TMEM232: variants seen among roughly 807,000 people sequenced by gnomAD.
TMEM232 encodes transmembrane protein 232.
TMEM232 carries 80 observed loss-of-function variants against 78.8 expected under a neutral mutation model. That is an observed-to-expected ratio of 1.01 (90% CI 0.85 to 1.22). TMEM232 has a LOEUF of 1.22. Among genes scored for constraint, TMEM232 ranks in the 50% most tolerant of loss-of-function variants. The pLI, the probability that TMEM232 is intolerant of heterozygous loss-of-function variation, is 0.00. For synonymous variants in TMEM232, 297 were observed against 254.3 expected (o/e 1.17, Z -1.60); for missense variants, 881 against 742.2 (o/e 1.19, Z -2.17).
At chr5:110,734,540 A>T (rs1006614234) in intron 2 of TMEM232, among the ~76,000 whole-genome samples, 1 of 152,246 alleles carries the variant, frequency 6.6e-6, no homozygotes, top group African/African-American at 2.4e-5. Flanking sequence ...TAAGTCCAAT[A>T]ATTCGGGAAT....
intron 8 of TMEM232, among the ~76,000 whole-genome samples, chr5:110,608,878 A>G (rs1262165088): frequency 6.6e-6 from 1 of 152,086 alleles, no homozygotes; most frequent in African/African-American, 2.4e-5. Context: ...AGTCTCAAGT[A>G]TCAGCATATT....
intron 1 of TMEM232, among the ~76,000 whole-genome samples, chr5:110,679,501 T>C (rs1340314754): frequency 1.3e-5 from 2 of 152,212 alleles, no homozygotes; most frequent in African/African-American, 2.4e-5. Flanking sequence ...GGGATTGTCT[T>C]TAACAGGACA....
At chr5:110,660,081 A>C (rs1328946657) in intron 2 of TMEM232, among the ~76,000 whole-genome samples, 1 of 152,126 alleles carries the variant, frequency 6.6e-6, no homozygotes, top group Non-Finnish European at 1.5e-5. Context: ...AGTTCCATCA[A>C]ATCTAAGTAA....
upstream of TMEM232, among the ~76,000 whole-genome samples, chr5:110,727,487 T>TA (rs1798274528): frequency 6.6e-6 from 1 of 152,166 alleles, no homozygotes; most frequent in Admixed American, 6.5e-5. Flanking sequence ...CACCCACCTA[T>TA]AATCCCAGCT....
chr5:110,547,693 T>A (rs542277948), intron 11 of TMEM232, among the ~76,000 whole-genome samples: 11 of 151,918 alleles, frequency 7.2e-5, no homozygotes, highest in Admixed American at 3.3e-4. Flanking sequence ...TCCTTCAAAA[T>A]CAAATTAAAT....
intron 13 of TMEM232, among the ~76,000 whole-genome samples, chr5:110,424,534 A>G (rs749238199): frequency 6.6e-6 from 1 of 152,200 alleles, no homozygotes; most frequent in Non-Finnish European, 1.5e-5. Context: ...AGAAGAAATC[A>G]GTGTTCAGTG....
At chr5:110,478,404 A>G (rs2149389940) in intron 12 of TMEM232, among the ~76,000 whole-genome samples, 1 of 152,052 alleles carries the variant, frequency 6.6e-6, no homozygotes, top group East Asian at 1.9e-4. Flanking sequence ...GGATTTGCCT[A>G]TGCATGTAAA....
At chr5:110,640,840 T>G in intron 4 of TMEM232, 51 bp downstream of exon 4, 1 of 1,307,982 alleles carries the variant, frequency 7.6e-7, no homozygotes, top group Non-Finnish European at 1.0e-6. Flanking sequence ...ATGCCTTCAC[T>G]GATGATATAG....
intron 2 of TMEM232, among the ~76,000 whole-genome samples, chr5:110,666,007 G>A (rs1380604785): frequency 6.6e-6 from 1 of 151,826 alleles, no homozygotes; most frequent in African/African-American, 2.4e-5. Context: ...ATTATAGTAA[G>A]CTATAGGTTA....
At chr5:110,589,755 A>C (rs1453335318) in intron 10 of TMEM232, among the ~76,000 whole-genome samples, 3 of 152,308 alleles carry the variant, frequency 2.0e-5, no homozygotes, top group East Asian at 3.9e-4. Context: ...ACATTCAAAG[A>C]GCTCAATAAA....
chr5:110,735,848 G>C (rs1799107597), intron 1 of TMEM232, among the ~76,000 whole-genome samples: 3 of 152,162 alleles, frequency 2.0e-5, no homozygotes, highest in Admixed American at 2.0e-4. Context: ...TTCTATAGCT[G>C]TCTGAGTAAG....
chr5:110,737,063 C>G (rs1002221034), intron 1 of TMEM232, among the ~76,000 whole-genome samples: 3 of 148,890 alleles, frequency 2.0e-5, no homozygotes, highest in Non-Finnish European at 4.4e-5. Flanking sequence ...ACAATCATGT[C>G]ATTATTTGAC....
chr5:110,596,540 A>C (rs1780191409), intron 10 of TMEM232, among the ~76,000 whole-genome samples: 1 of 152,200 alleles, frequency 6.6e-6, no homozygotes, highest in Admixed American at 6.5e-5. Context: ...CTGATACCAA[A>C]GCTGGGCAGA....
chr5:110,433,237 GC>G (rs1189168272), intron 12 of TMEM232, among the ~76,000 whole-genome samples: 3 of 151,658 alleles, frequency 2.0e-5, no homozygotes, highest in Non-Finnish European at 4.4e-5. Context: ...CAATCATAAA[GC>G]AAGTCTCAAT....
chr5:110,625,539 C>T (rs1784320013), intron 6 of TMEM232, 106 bp from the exon 7 acceptor site: 2 of 1,017,246 alleles, frequency 2.0e-6, no homozygotes, highest in Non-Finnish European at 2.7e-6. Flanking sequence ...TACTTAGATG[C>T]AGAAACTGCT....
intron 12 of TMEM232, among the ~76,000 whole-genome samples, chr5:110,488,765 G>A (rs7708748): frequency 4.0e-5 from 6 of 151,882 alleles, no homozygotes; most frequent in South Asian, 4.1e-4. Context: ...TCAATAGAAC[G>A]AAAAGTTGGT....
intron 1 of TMEM232, among the ~76,000 whole-genome samples, chr5:110,693,365 A>C (rs1269804339): frequency 1.3e-5 from 2 of 152,230 alleles, no homozygotes; most frequent in African/African-American, 4.8e-5. Context: ...AAAACAGAGC[A>C]GAAAAACTGG....
rs1245557455 is a variant in TMEM232, at chr5:110,693,149, T to C, written c.-12-25785A>G. 2.0e-5 allele frequency among the ~76,000 whole-genome samples: 3 copies of C among 152,234 alleles called. No homozygotes were observed. In the East Asian group the frequency reaches 5.8e-4, roughly 30 times the overall value. On this transcript the variant is annotated intron_variant, in intron 1 of 13. Coordinates refer to ENST00000455884, the MANE Select transcript of TMEM232 (RefSeq NM_001039763.4). ...GGCAGCAGCATTTGCGGTTCACCAATATCCACTGTTCCGCAGCCACTGCTG... is the reference window on the plus strand; with the variant it reads ...GGCAGCAGCATTTGCGGTTCACCAACATCCACTGTTCCGCAGCCACTGCTG...
intron 8 of TMEM232, among the ~76,000 whole-genome samples, chr5:110,615,878 T>C (rs556322848): frequency 6.8e-4 from 104 of 151,940 alleles, no homozygotes; most frequent in Middle Eastern, 3.4e-3. Context: ...GAAGATATTA[T>C]GAAAACAATC....
Sources: gnomAD v4.1 joint callset for allele counts (sites outside exome capture counted in the v4.1 genomes callset) on GRCh38, gnomAD v4.1.1 for gene constraint, MANE v1.5 for transcripts, NCBI Gene and HGNC (gene_info 2026-07-23, HGNC 2026-07-21) for gene names.